ADCY3: variants seen among roughly 807,000 people sequenced by gnomAD.
The protein encoded by ADCY3 is adenylate cyclase type 3.
Under a neutral mutation model 119.4 loss-of-function variants are expected in ADCY3, and 70 were observed. That is an observed-to-expected ratio of 0.59 (90% CI 0.48 to 0.72). The LOEUF is 0.72. Among genes scored for constraint, ADCY3 ranks in the 30% least tolerant of loss-of-function variants. The probability of loss-of-function intolerance (pLI) is 0.00; values close to 1 mark genes in which losing one functional copy is unlikely to be tolerated. For missense variants in ADCY3, 1,238 were observed against 1,541.6 expected (o/e 0.80, Z 3.30); for synonymous variants, 672 against 621.4 (o/e 1.08, Z -1.21).
chr2:24,849,002 G>C (rs943075822), intron 3 of ADCY3, among the ~76,000 whole-genome samples: 3 of 152,210 alleles, frequency 2.0e-5, no homozygotes, highest in African/African-American at 4.8e-5. Flanking sequence ...TGGGTGAGGA[G>C]GGCGCAGATG....
chr2:24,827,533 C>T lies in ADCY3; in HGVS notation c.2495+13G>A. 1 of 1,577,342 alleles carries T rather than the reference C, an allele frequency of 6.3e-7. No individual in the cohort carries two copies. The highest frequency in any genetic ancestry group is 1.2e-5 in the South Asian group (1 of 86,592). ...TGTGAGTGCAGGCCAGGAGGGGAAGCCGTGGCCCTTACCTGTCAGTGCCAT... is the reference window on the plus strand; with the variant it reads ...TGTGAGTGCAGGCCAGGAGGGGAAGTCGTGGCCCTTACCTGTCAGTGCCAT... On this transcript the variant is annotated intron_variant, in intron 15 of 21. Coordinates refer to ENST00000679454, the MANE Select transcript of ADCY3 (RefSeq NM_004036.5).
intron 21 of ADCY3, chr2:24,820,393 G>T (rs1667424278): frequency 7.6e-7 from 1 of 1,313,022 alleles, no homozygotes; most frequent in African/African-American, 1.5e-5. Context: ...CCTGGAAACT[G>T]CCACTGCCTG....
chr2:24,915,307 C>T (rs556486106), intron 2 of ADCY3, among the ~76,000 whole-genome samples: 17 of 152,264 alleles, frequency 1.1e-4, no homozygotes, highest in African/African-American at 4.1e-4. Flanking sequence ...AGGAGAAAGG[C>T]GGTGCCTGGG....
At chr2:24,837,311 C>T (rs1670434558) in intron 8 of ADCY3, among the ~76,000 whole-genome samples, 1 of 152,106 alleles carries the variant, frequency 6.6e-6, no homozygotes, top group Admixed American at 6.6e-5. Flanking sequence ...AGGGCAGGAG[C>T]TTTGGGCAGG....
chr2:24,917,027 C>T, intron 2 of ADCY3, among the ~76,000 whole-genome samples: 1 of 152,232 alleles, frequency 6.6e-6, no homozygotes, highest in Non-Finnish European at 1.5e-5. Flanking sequence ...GGCTAGATGC[C>T]CTGCCAGGCC....
chr2:24,891,953 T>A (rs1289966023), intron 2 of ADCY3, among the ~76,000 whole-genome samples: 1 of 152,196 alleles, frequency 6.6e-6, no homozygotes, highest in Admixed American at 6.5e-5. Flanking sequence ...GTTTTAGGCA[T>A]CCACTGGGGA....
At chr2:24,825,631 T>G in intron 16 of ADCY3, 1 of 186,544 alleles carries the variant, frequency 5.4e-6, no homozygotes, top group Non-Finnish European at 1.1e-5. Flanking sequence ...TCTTTTCCTT[T>G]TAACCCAACA....
chr2:24,866,197 A>C (rs968732279), intron 3 of ADCY3, among the ~76,000 whole-genome samples: 4 of 152,196 alleles, frequency 2.6e-5, no homozygotes, highest in African/African-American at 9.7e-5. Context: ...ACCCCTGAGA[A>C]GCTATTTCCT....
At chr2:24,824,593 T>C in intron 16 of ADCY3, 57 bp from the exon 17 acceptor site, 1 of 1,584,196 alleles carries the variant, frequency 6.3e-7, no homozygotes, top group South Asian at 1.1e-5. Flanking sequence ...GATAGAAGGA[T>C]GAAAAACAGG....
chr2:24,912,615 G>GTGTGTGCA (rs1254511632), intron 2 of ADCY3, among the ~76,000 whole-genome samples: 1 of 135,574 alleles, frequency 7.4e-6, no homozygotes, highest in Non-Finnish European at 1.6e-5. Flanking sequence ...ATGTGTGTGT[G>GTGTGTGCA]TGTGTGTGTG....
intron 15 of ADCY3, 88 bp from the exon 16 acceptor site, chr2:24,826,214 C>T: frequency 8.4e-7 from 1 of 1,195,142 alleles, no homozygotes; most frequent in Non-Finnish European, 1.2e-6. Context: ...GTGCTGCTTC[C>T]TGCCACCCCA....
chr2:24,845,690 A>G (rs1199117576), intron 3 of ADCY3, among the ~76,000 whole-genome samples: 1 of 152,258 alleles, frequency 6.6e-6, no homozygotes, highest in Non-Finnish European at 1.5e-5. Context: ...GGCTGCAGAA[A>G]TTTGTGTAAG....
Position 24,842,157 on chromosome 2 carries a change from A to G in ADCY3, c.956+97T>C. 1.3e-6 allele frequency: 2 copies of G among 1,557,270 alleles called. No individual in the cohort carries two copies. Among genetic ancestry groups the G allele is most frequent in the Non-Finnish European group, 1.7e-6 (2 of 1,147,486 alleles). On this transcript the variant is annotated intron_variant, in intron 4 of 21. Transcript: ENST00000679454. The surrounding 1 kb of genome is among the most constrained non-coding windows in gnomAD (Gnocchi z 4.9). ...GGAGGCCTTGCTTCTAGTCCCTGGA[A>G]AACCTCTTGAAGCCCACAGCACCTA...
At chr2:24,868,383 T>C (rs1674561552) in intron 3 of ADCY3, among the ~76,000 whole-genome samples, 1 of 152,192 alleles carries the variant, frequency 6.6e-6, no homozygotes, top group South Asian at 2.1e-4. Context: ...TCATCTGAAG[T>C]TCTATTTTGG....
intron 13 of ADCY3, among the ~76,000 whole-genome samples, chr2:24,828,872 T>A (rs1235553192): frequency 2.0e-5 from 3 of 152,150 alleles, no homozygotes; most frequent in Non-Finnish European, 2.9e-5. Context: ...AGTGGTGACC[T>A]CCACACCTGG....
At chr2:24,917,668 T>G (rs923639932) in intron 2 of ADCY3, among the ~76,000 whole-genome samples, 1 of 152,162 alleles carries the variant, frequency 6.6e-6, no homozygotes, top group Non-Finnish European at 1.5e-5. Flanking sequence ...GTGGCCGGCA[T>G]GACTGTCCCC....
intron 19 of ADCY3, chr2:24,822,290 C>T: frequency 5.4e-6 from 3 of 558,786 alleles, no homozygotes; most frequent in Non-Finnish European, 9.1e-6. Context: ...CCATCTTAGG[C>T]CTGAGCTGTG....
At chr2:24,867,456 C>G (rs745307863) in intron 3 of ADCY3, among the ~76,000 whole-genome samples, 3 of 152,182 alleles carry the variant, frequency 2.0e-5, no homozygotes, top group Non-Finnish European at 4.4e-5. Flanking sequence ...TTCAGCTAGC[C>G]CACCCTTCTG....
chr2:24,852,580 G>T (rs1246746361), intron 3 of ADCY3, among the ~76,000 whole-genome samples: 1 of 152,228 alleles, frequency 6.6e-6, no homozygotes, highest in African/African-American at 2.4e-5. Flanking sequence ...GGCATGAGTG[G>T]CCACCGTGTA....
Sources: allele counts gnomAD v4.1 joint callset (sites outside exome capture counted in the v4.1 genomes callset), GRCh38; gene constraint gnomAD v4.1.1; non-coding constraint Gnocchi (gnomAD v3.1); transcripts MANE v1.5; gene names NCBI Gene and HGNC (gene_info 2026-07-23, HGNC 2026-07-21).